The following PTPN18 variants were observed in gnomAD, a reference collection of about 807,000 sequenced individuals.
PTPN18 encodes protein tyrosine phosphatase non-receptor type 18.
PTPN18 carries 65 observed loss-of-function variants against 65.4 expected under a neutral mutation model. That is an observed-to-expected ratio of 0.99 (90% CI 0.81 to 1.22). The LOEUF is 1.22. Ranked by LOEUF, PTPN18 falls within the 50% of genes most tolerant of loss-of-function variation. The pLI is 0.00. For missense variants in PTPN18, 616 were observed against 646.5 expected (o/e 0.95, Z 0.51); for synonymous variants, 255 against 267.8 (o/e 0.95, Z 0.47).
intron 1 of PTPN18, 33 bp from the exon 2 acceptor site, chr2:130,358,834 C>A: frequency 6.4e-7 from 1 of 1,571,302 alleles, no homozygotes; most frequent in Middle Eastern, 1.7e-4. Flanking sequence ...CCTGTCTTCT[C>A]CCCTCCCTGA....
At position 130,373,403 on chromosome 2, in the gene PTPN18, G is replaced by A. The variant is rs920466103; in HGVS notation, c.*179G>A. The A allele has an allele frequency of 6.2e-6, 4 of 640,998 alleles. No individual in the cohort carries two copies. In the East Asian group the frequency reaches 1.2e-4, roughly 19 times the overall value. The allele number at this position is 640,998 out of a possible 1,614,324, so 39.7% of individuals were successfully genotyped here. On this transcript the variant is annotated 3_prime_UTR_variant, in exon 15 of 15. Transcript: ENST00000175756. This position sits in a 1 kb window ranked among gnomAD's most constrained non-coding sequence, Gnocchi z 4.1. The stretch of plus-strand genomic sequence containing the variant: ...GTAGCATTCAAGGCTTGAGGCTGGA[G>A]GAGGTAGCTAGGGTATAGTGGCTGG...
chr2:130,359,902 C>A lies in PTPN18; in HGVS notation c.414+256C>A, dbSNP rs1350791431. The A allele has an allele frequency of 3.1e-5, 17 of 540,982 alleles. 1 individual carries two copies. The highest frequency in any genetic ancestry group is 2.7e-5 in the Non-Finnish European group (8 of 300,498). The allele number at this position is 540,982 out of a possible 1,614,324, so 33.5% of individuals were successfully genotyped here. ...TAAGGCCCTATTCTGACTGCTTCCC[C>A]TGTAGGCTCTGATCTCTCTTTCCAC... On this transcript the variant is annotated intron_variant, in intron 5 of 14. Transcript: ENST00000175756.
At chr2:130,372,169 G>A in intron 12 of PTPN18, 88 bp from the exon 13 acceptor site, 3 of 1,296,132 alleles carry the variant, frequency 2.3e-6, no homozygotes, top group Non-Finnish European at 3.2e-6. Context: ...CGGGAAGGAA[G>A]CCCGTGGTTT....
At position 130,359,602 on chromosome 2, in the gene PTPN18, G is replaced by T. The variant is rs767031902; in HGVS notation, c.376-6G>T. On this transcript the variant is annotated splice_polypyrimidine_tract_variant and splice_region_variant and intron_variant, in intron 4 of 14. Coordinates refer to ENST00000175756, the MANE Select transcript of PTPN18 (RefSeq NM_014369.4). ...ACCTTCCTCTCCCCTGACCCTCCTTGTCTAGGTGATCCTGATGGCCTGTCG... is the reference window on the plus strand; with the variant it reads ...ACCTTCCTCTCCCCTGACCCTCCTTTTCTAGGTGATCCTGATGGCCTGTCG... 2 of 1,614,092 alleles carry T rather than the reference G, an allele frequency of 1.2e-6. No homozygotes were observed. Among genetic ancestry groups the T allele is most frequent in the South Asian group, 2.2e-5 (2 of 91,080 alleles).
In PTPN18 at chr2:130,359,666, A is replaced by G. The variant is rs1211386057; in HGVS notation, c.414+20A>G. The G allele has an allele frequency of 6.2e-7, 1 of 1,612,220 alleles. No individual in the cohort carries two copies. Among genetic ancestry groups the G allele is most frequent in the Non-Finnish European group, 8.5e-7 (1 of 1,178,324 alleles). ...GGGCGGGTAGGTGCCCTCTGCCCCC[A>G]GGTTTCATGTCCTTGTGGGAGGAGG... On this transcript the variant is annotated intron_variant, in intron 5 of 14. Transcript: ENST00000175756.
intron 1 of PTPN18, among the ~76,000 whole-genome samples, 161 bp from the exon 2 acceptor site, chr2:130,358,706 G>A (rs1265967429): frequency 6.6e-6 from 1 of 152,118 alleles, no homozygotes; most frequent in Non-Finnish European, 1.5e-5. Flanking sequence ...CACTATTTCG[G>A]TATCATTATT....
At chr2:130,370,421 G>C in intron 8 of PTPN18, 136 bp from the exon 9 acceptor site, 1 of 1,207,368 alleles carries the variant, frequency 8.3e-7, no homozygotes, top group African/African-American at 1.5e-5. Flanking sequence ...TCCTTGTTCA[G>C]ATATAATCTG....
intron 13 of PTPN18, 138 bp from the exon 14 acceptor site, chr2:130,372,735 C>G: frequency 9.1e-7 from 1 of 1,103,940 alleles, no homozygotes; most frequent in Non-Finnish European, 1.3e-6. Flanking sequence ...GAGGCCACGT[C>G]CGGGGTGTGT....
intron 1 of PTPN18, among the ~76,000 whole-genome samples, chr2:130,357,919 A>G (rs915578668): frequency 6.6e-6 from 1 of 152,204 alleles, no homozygotes; most frequent in Non-Finnish European, 1.5e-5. Flanking sequence ...ACATGTAGAA[A>G]CATTGTATAT....
At position 130,359,754 on chromosome 2, in the gene PTPN18, C is replaced by A. The variant is rs536687279; in HGVS notation, c.414+108C>A. ...CCCGAGGGTCCAGCTCTTGGAGTGA[C>A]CTTATTGTAGCTCTGTGGGAAGCCC... On this transcript the variant is annotated intron_variant, in intron 5 of 14. Coordinates refer to ENST00000175756, the MANE Select transcript of PTPN18 (RefSeq NM_014369.4). 2.8e-4 allele frequency: 368 copies of A among 1,324,684 alleles called. 1 individual carries two copies. Among genetic ancestry groups the A allele is most frequent in the South Asian group, 1.9e-3 (153 of 81,520 alleles). 82.1% of individuals were successfully genotyped at this position (1,324,684 alleles called of 1,614,324 possible). A position where few individuals can be genotyped will look rare whatever the true frequency, so the allele number is the denominator to read the frequency against.
At chr2:130,364,945 C>G (rs900691599) in intron 5 of PTPN18, among the ~76,000 whole-genome samples, 27 of 152,258 alleles carry the variant, frequency 1.8e-4, no homozygotes, top group Admixed American at 1.8e-3. Flanking sequence ...AGTGGCTGTA[C>G]CATTTTACGT....
intron 2 of PTPN18, 89 bp from the exon 3 acceptor site, chr2:130,359,144 C>A: frequency 6.5e-7 from 1 of 1,532,936 alleles, no homozygotes; most frequent in Non-Finnish European, 9.0e-7. Flanking sequence ...TGTGTGTGGT[C>A]CCCTGCTGGC....
intron 5 of PTPN18, 70 bp downstream of exon 5, chr2:130,359,716 C>G (rs963229134): frequency 4.5e-5 from 70 of 1,556,508 alleles, no homozygotes; most frequent in Non-Finnish European, 5.6e-5. Context: ...CTAGCTCCTC[C>G]TTGACCCCAG....
rs989797024 is a variant in PTPN18, at chr2:130,370,918, G to C, written c.878G>C (p.Cys293Ser). Residue 293 changes from cysteine (C) to serine (S), a missense_variant, in exon 11 of 15, where the codon TGC becomes TCC. This residue lies in a region of PTPN18 where 368 missense variants were observed against 386.7 expected (regional missense o/e 0.95). Transcript: ENST00000175756. ...TACCACACGGTGGCTCAGATGTTCT[G>C]CTCCACACTCCAGAATGCCAGCCCC... ...FLYHTVAQMF[C>S]STLQNASPHY... 4 of 1,614,106 alleles carry C rather than the reference G, an allele frequency of 2.5e-6. No individual in the cohort carries two copies. Among genetic ancestry groups the C allele is most frequent in the African/African-American group, 1.3e-5 (1 of 75,012 alleles).
At chr2:130,370,412 C>T in intron 8 of PTPN18, 145 bp from the exon 9 acceptor site, 1 of 1,172,894 alleles carries the variant, frequency 8.5e-7, no homozygotes, top group Non-Finnish European at 1.2e-6. Flanking sequence ...AAAAGGTTTT[C>T]CTTGTTCAGA....
At chr2:130,369,349 G>T (rs1573864860) in intron 6 of PTPN18, 148 bp downstream of exon 6, 1 of 718,296 alleles carries the variant, frequency 1.4e-6, no homozygotes, top group Admixed American at 2.9e-5. Context: ...TTACTATAGG[G>T]ATAGCCTTTG....
chr2:130,359,154 C>T lies in PTPN18; in HGVS notation c.203-79C>T. On this transcript the variant is annotated intron_variant, in intron 2 of 14. Coordinates refer to ENST00000175756, the MANE Select transcript of PTPN18 (RefSeq NM_014369.4). ...CTGCATGTGTGTGGTCCCCTGCTGG[C>T]TTTCAGCTAGGGGGCTGTCAGAGGC... 8 of 1,561,814 alleles carry T rather than the reference C, an allele frequency of 5.1e-6. No homozygotes were observed. The South Asian group carries it at 5.6e-5, about 11-fold the overall frequency.
chr2:130,371,821 A>G (rs551435326), intron 12 of PTPN18, among the ~76,000 whole-genome samples: 84 of 151,724 alleles, frequency 5.5e-4, no homozygotes, highest in African/African-American at 1.8e-3. Context: ...TCTCAAAAAA[A>G]CAACAAAAAA....
intron 5 of PTPN18, chr2:130,362,130 GATTA>G (rs770321507): frequency 2.8e-4 from 130 of 470,416 alleles, no homozygotes; most frequent in Non-Finnish European, 4.8e-4. Context: ...CACCGTGCCT[GATTA>G]ATTGTTTTTT....
Sources: gnomAD v4.1 joint callset for allele counts (sites outside exome capture counted in the v4.1 genomes callset) on GRCh38, gnomAD v4.1.1 for gene constraint, gnomAD v4.1.1 regional missense constraint, Gnocchi (gnomAD v3.1) non-coding constraint, MANE v1.5 for transcripts, NCBI Gene and HGNC (gene_info 2026-07-23, HGNC 2026-07-21) for gene names.